The following SH3GL2 variants were observed in gnomAD, a reference collection of about 807,000 sequenced individuals.
The protein encoded by SH3GL2 is SH3 domain containing GRB2 like 2, endophilin A1.
Under a neutral mutation model 46.0 loss-of-function variants are expected in SH3GL2, and 24 were observed. The ratio of observed to expected loss-of-function variants is 0.52; its 90% CI spans 0.38 to 0.73. SH3GL2 has a LOEUF of 0.73. Ranked by LOEUF, SH3GL2 falls within the 30% of genes least tolerant of loss-of-function variation. The pLI is 0.00. For missense variants in SH3GL2, 413 were observed against 424.2 expected, an observed-to-expected ratio of 0.97 and a Z score of 0.23; for synonymous variants, 196 against 147.1, an observed-to-expected ratio of 1.33 and a Z score of -2.40.
chr9:17,620,331 C>T (rs7851834), intron 1 of SH3GL2, among the ~76,000 whole-genome samples: 55,459 of 151,838 alleles, frequency 0.37, 10,556 homozygotes, highest in East Asian at 0.59. Flanking sequence ...CAGTGAGGAA[C>T]AAGTGTATAA....
intron 1 of SH3GL2, among the ~76,000 whole-genome samples, chr9:17,628,411 GGTGTGT>G (rs3084633): frequency 0.032 from 4,565 of 143,736 alleles, 71 homozygotes; most frequent in Admixed American, 0.043. Context: ...CTATATCTTG[GGTGTGT>G]GTGTGTGTGT....
chr9:17,757,140 G>T lies in SH3GL2; in HGVS notation c.115-4297G>T, dbSNP rs549079538. The stretch of plus-strand genomic sequence containing the variant: ...AAATGTCTTCTTTTGAGAAGTGTCT[G>T]TTCCTATCCTTTGCCCCCTTTTTGA... On this transcript the variant is annotated intron_variant, in intron 2 of 8. Transcript: ENST00000380607. 2.2e-4 allele frequency among the ~76,000 whole-genome samples: 34 copies of T among 152,248 alleles called. No homozygotes were observed. In the South Asian group the frequency reaches 7.1e-3, roughly 32 times the overall value.
At chr9:17,619,053 C>G (rs1160592996) in intron 1 of SH3GL2, among the ~76,000 whole-genome samples, 2 of 152,168 alleles carry the variant, frequency 1.3e-5, no homozygotes, top group Non-Finnish European at 2.9e-5. Context: ...TGGTACTTAA[C>G]TGTGCGCTAG....
chr9:17,715,048 T>C (rs775088431), intron 1 of SH3GL2, among the ~76,000 whole-genome samples: 3 of 151,920 alleles, frequency 2.0e-5, no homozygotes, highest in African/African-American at 7.2e-5. Flanking sequence ...AAAGATGTTA[T>C]CAACAGTCTT....
intron 1 of SH3GL2, among the ~76,000 whole-genome samples, chr9:17,664,803 T>C (rs1369260002): frequency 6.6e-6 from 1 of 151,936 alleles, no homozygotes; most frequent in Non-Finnish European, 1.5e-5. Flanking sequence ...TCCTAGCCCT[T>C]CTTTTTTCCC....
At chr9:17,726,508 T>G (rs1316074259) in intron 1 of SH3GL2, among the ~76,000 whole-genome samples, 3 of 152,182 alleles carry the variant, frequency 2.0e-5, no homozygotes, top group Admixed American at 6.6e-5. Context: ...AAGTAGGTTT[T>G]GACTCTGCTG....
At chr9:17,626,728 A>G (rs1306897024) in intron 1 of SH3GL2, among the ~76,000 whole-genome samples, 1 of 152,168 alleles carries the variant, frequency 6.6e-6, no homozygotes, top group Non-Finnish European at 1.5e-5. Flanking sequence ...AGCTTTCTGC[A>G]GATTCTTGTG....
At chr9:17,652,676 A>G (rs190310009) in intron 1 of SH3GL2, among the ~76,000 whole-genome samples, 181 of 152,306 alleles carry the variant, frequency 1.2e-3, no homozygotes, top group African/African-American at 4.2e-3. Context: ...CTTTTTGAGC[A>G]CCAACATGAC....
intron 3 of SH3GL2, among the ~76,000 whole-genome samples, chr9:17,785,069 A>T (rs1823914640): frequency 6.6e-6 from 1 of 152,200 alleles, no homozygotes; most frequent in South Asian, 2.1e-4. Context: ...AAAAGCAAAT[A>T]AGAAATGAAT....
At chr9:17,649,287 G>A (rs935126073) in intron 1 of SH3GL2, among the ~76,000 whole-genome samples, 3 of 152,040 alleles carry the variant, frequency 2.0e-5, no homozygotes, top group East Asian at 1.9e-4. Context: ...GGCTGGTCTC[G>A]AACTTGTGAC....
intron 2 of SH3GL2, among the ~76,000 whole-genome samples, chr9:17,752,176 G>C (rs1822866158): frequency 6.6e-6 from 1 of 152,156 alleles, no homozygotes; most frequent in Non-Finnish European, 1.5e-5. Flanking sequence ...TAACTCTTCT[G>C]AGTCAGCAGG....
At chr9:17,744,560 T>G (rs752705651) in intron 1 of SH3GL2, among the ~76,000 whole-genome samples, 1 of 151,892 alleles carries the variant, frequency 6.6e-6, no homozygotes, top group Non-Finnish European at 1.5e-5. Flanking sequence ...AGAGACAGAG[T>G]CTTACTACGT....
chr9:17,715,842 A>C (rs1022601269), intron 1 of SH3GL2, among the ~76,000 whole-genome samples: 1 of 152,048 alleles, frequency 6.6e-6, no homozygotes, highest in Non-Finnish European at 1.5e-5. Context: ...GAACCCTTAC[A>C]TTAGCCTGTA....
chr9:17,641,722 A>C (rs1435667988), intron 1 of SH3GL2, among the ~76,000 whole-genome samples: 1 of 152,126 alleles, frequency 6.6e-6, no homozygotes, highest in Non-Finnish European at 1.5e-5. Flanking sequence ...GAGTTTGCTG[A>C]GAATGATGGT....
intron 1 of SH3GL2, among the ~76,000 whole-genome samples, chr9:17,740,055 G>C (rs1822479395): frequency 1.3e-5 from 2 of 152,012 alleles, no homozygotes; most frequent in Admixed American, 6.6e-5. Context: ...TGTTCATCCT[G>C]TTGAATTCAT....
intron 1 of SH3GL2, among the ~76,000 whole-genome samples, chr9:17,651,336 C>A (rs183534185): frequency 1.3e-3 from 193 of 152,232 alleles, no homozygotes; most frequent in South Asian, 4.1e-3. Context: ...CTCATCTCAT[C>A]CACGAGTATC....
At chr9:17,669,754 CT>C (rs1249069415) in intron 1 of SH3GL2, among the ~76,000 whole-genome samples, 3 of 152,108 alleles carry the variant, frequency 2.0e-5, no homozygotes, top group Non-Finnish European at 2.9e-5. Flanking sequence ...CCACATTCCT[CT>C]GAGATAAATG....
intron 1 of SH3GL2, among the ~76,000 whole-genome samples, chr9:17,586,313 G>A (rs1449932070): frequency 6.6e-6 from 1 of 152,096 alleles, no homozygotes; most frequent in Non-Finnish European, 1.5e-5. Context: ...CTCCATGGAG[G>A]TTTACTTGGA....
At chr9:17,670,129 G>T (rs764751106) in intron 1 of SH3GL2, among the ~76,000 whole-genome samples, 4 of 152,090 alleles carry the variant, frequency 2.6e-5, no homozygotes, top group African/African-American at 4.8e-5. Flanking sequence ...GCTACTCCAT[G>T]TTGCTTATTT....
Sources: gnomAD v4.1 joint callset for allele counts (sites outside exome capture counted in the v4.1 genomes callset) on GRCh38, gnomAD v4.1.1 for gene constraint, MANE v1.5 for transcripts, NCBI Gene and HGNC (gene_info 2026-07-23, HGNC 2026-07-21) for gene names.